Variants in FBXW7 observed in about 807,000 individuals in gnomAD.
FBXW7 encodes the protein F-box/WD repeat-containing protein 7.
FBXW7 carries 11 observed loss-of-function variants against 86.3 expected under a neutral mutation model. The ratio of observed to expected loss-of-function variants is 0.13; its 90% CI spans 0.08 to 0.21. The LOEUF (loss-of-function observed/expected upper bound fraction) is 0.21. FBXW7 is among the 10% of genes least tolerant of loss of function. FBXW7 has a pLI of 1.00. For missense variants in FBXW7, 488 were observed against 847.4 expected (o/e 0.58, Z 5.27); for synonymous variants, 313 against 297.9 (o/e 1.05, Z -0.52).
intron 9 of FBXW7, among the ~76,000 whole-genome samples, chr4:152,330,386 T>G (rs2126530453): frequency 6.6e-6 from 1 of 151,966 alleles, no homozygotes; most frequent in South Asian, 2.1e-4. Context: ...ACACAGACAC[T>G]CCTCAAAAAA....
At chr4:152,475,002 T>A (rs1428140705) in intron 2 of FBXW7, among the ~76,000 whole-genome samples, 1 of 151,716 alleles carries the variant, frequency 6.6e-6, no homozygotes. Context: ...CTCAGGAGGC[T>A]GAAGTGGGAG....
At position 152,425,067 on chromosome 4, in the gene FBXW7, G is replaced by A. The variant is rs566194640; in HGVS notation, c.-119-12538C>T. Among the ~76,000 whole-genome samples the A allele has an allele frequency of 2.0e-5, 3 of 152,198 alleles. No homozygotes were observed. In the East Asian group the frequency reaches 5.8e-4, roughly 29 times the overall value. On this transcript the variant is annotated intron_variant, in intron 2 of 13. Transcript: ENST00000281708. ...GATGATGCCATTACTGCCAGTCAAT[G>A]ACTAAATTTTGAAGAGCAATGCTCC... is the stretch of plus-strand genomic sequence containing the variant.
chr4:152,442,116 G>C (rs1334020581), intron 2 of FBXW7, among the ~76,000 whole-genome samples: 1 of 152,034 alleles, frequency 6.6e-6, no homozygotes, highest in Non-Finnish European at 1.5e-5. Flanking sequence ...TATATTAATC[G>C]TAACTATCAT....
In FBXW7 at chr4:152,535,276, C is replaced by G. The variant is rs1750424055; in HGVS notation, c.-362G>C. ...AGGCTGCGGCCGGCCCCCCGGGTCC[C>G]CCCCGGCCCCGCCGCCCTCGGGACT... On this transcript the variant is annotated 5_prime_UTR_variant, in exon 1 of 14. Transcript: ENST00000281708. 2 of 274,734 alleles carry G rather than the reference C, an allele frequency of 7.3e-6. No homozygotes were observed. The highest frequency in any genetic ancestry group is 1.1e-4 in the Admixed American group (2 of 18,796). The allele number at this position is 274,734 out of a possible 1,614,324, so 17.0% of individuals were successfully genotyped here.
intron 2 of FBXW7, among the ~76,000 whole-genome samples, chr4:152,488,514 T>C (rs1345676328): frequency 3.3e-5 from 5 of 152,082 alleles, no homozygotes; most frequent in African/African-American, 1.2e-4. Context: ...CTATGAAACA[T>C]CAGAAACCTT....
chr4:152,325,922 T>C, intron 12 of FBXW7, 84 bp downstream of exon 12: 1 of 1,124,624 alleles, frequency 8.9e-7, no homozygotes, highest in Non-Finnish European at 1.3e-6. Flanking sequence ...CTGTACTGGA[T>C]CAGCAATTTG....
chr4:152,452,528 G>T (rs2628570), intron 2 of FBXW7, among the ~76,000 whole-genome samples: 70,902 of 152,010 alleles, frequency 0.47, 19,619 homozygotes, highest in African/African-American at 0.77. Flanking sequence ...CTGTGTCTCA[G>T]AATAGTGTTC....
At chr4:152,350,015 T>C (rs1348508307) in intron 5 of FBXW7, 27 bp downstream of exon 5, 1 of 1,248,722 alleles carries the variant, frequency 8.0e-7, no homozygotes. Context: ...CTGAGAATCA[T>C]GAGATAATCA....
intron 4 of FBXW7, among the ~76,000 whole-genome samples, chr4:152,388,292 G>C (rs562850456): frequency 3.9e-5 from 6 of 152,202 alleles, no homozygotes; most frequent in African/African-American, 1.2e-4. Flanking sequence ...CCCTAACTAA[G>C]AGAAATATGC....
chr4:152,411,556 C>T lies in FBXW7; in HGVS notation c.248G>A (p.Arg83Lys), dbSNP rs138203389. 116 of 1,613,936 alleles carry T rather than the reference C, an allele frequency of 7.2e-5. No individual in the cohort carries two copies. Among genetic ancestry groups the T allele is most frequent in the East Asian group, 1.8e-4 (8 of 44,856 alleles). The change falls in exon 4 of 14, where the codon AGA (arginine) becomes AAA (lysine). Residue 83 changes from arginine (R) to lysine (K), a missense_variant. This residue lies in a region of FBXW7 where 230 missense variants were observed against 240.0 expected (regional missense o/e 0.96). Coordinates refer to ENST00000281708, the MANE Select transcript of FBXW7 (RefSeq NM_001349798.2). Reference sequence around the variant, plus strand: ...GGAGTCCTCATCTACCGAAATAAATCTATTATTGTTTTCTTCCAACTGTCC... The same window carrying T: ...GGAGTCCTCATCTACCGAAATAAATTTATTATTGTTTTCTTCCAACTGTCC... The part of the protein sequence containing the change: ...QQGQLEENNN[R>K]FISVDEDSSG...
chr4:152,358,581 T>G (rs1174281174), intron 4 of FBXW7, among the ~76,000 whole-genome samples: 1 of 152,032 alleles, frequency 6.6e-6, no homozygotes, highest in Admixed American at 6.6e-5. Context: ...TAGAGTGATT[T>G]TGGATGTCAT....
chr4:152,320,846 T>G lies in FBXW7; in HGVS notation c.*2035A>C, dbSNP rs946096246. 1.3e-5 allele frequency: 2 copies of G among 152,186 alleles called. No individual in the cohort carries two copies. Among genetic ancestry groups the G allele is most frequent in the Admixed American group, 1.3e-4 (2 of 15,260 alleles). 9.4% of individuals were successfully genotyped at this position (152,186 alleles called of 1,614,324 possible). On this transcript the variant is annotated 3_prime_UTR_variant, in exon 14 of 14. Transcript: ENST00000281708. Reference sequence around the variant, plus strand: ...GATGGGAGATAATAGTGCCTACTTCTCAGGGATAGTGGGAGCTTAAGAGAG... The same window carrying G: ...GATGGGAGATAATAGTGCCTACTTCGCAGGGATAGTGGGAGCTTAAGAGAG...
chr4:152,525,962 C>T (rs1366162767), intron 2 of FBXW7, among the ~76,000 whole-genome samples: 1 of 152,162 alleles, frequency 6.6e-6, no homozygotes, highest in African/African-American at 2.4e-5. Context: ...ACTTCACTAG[C>T]ATCTGTTATT....
At chr4:152,405,120 A>C (rs116679225) in intron 4 of FBXW7, among the ~76,000 whole-genome samples, 1,368 of 130,790 alleles carry the variant, frequency 0.01, 19 homozygotes, top group African/African-American at 0.033. Flanking sequence ...AAAAAAAAAG[A>C]GGTGAAATGA....
At position 152,370,335 on chromosome 4, in the gene FBXW7, T is replaced by C. The variant is rs143569871; in HGVS notation, c.502-20211A>G. ...ATTTTCTCAAATCCTCAAAACAGAT[T>C]TTCCCATCATTATATGAGGATACCA... On this transcript the variant is annotated intron_variant, in intron 4 of 13. Transcript: ENST00000281708. 5.3e-5 allele frequency among the ~76,000 whole-genome samples: 8 copies of C among 152,058 alleles called. No individual in the cohort carries two copies. In the East Asian group the frequency reaches 1.5e-3, roughly 29 times the overall value.
At chr4:152,475,706 T>C (rs571708837) in intron 2 of FBXW7, among the ~76,000 whole-genome samples, 1 of 152,358 alleles carries the variant, frequency 6.6e-6, no homozygotes, top group South Asian at 2.1e-4. Context: ...TATTTTTATA[T>C]ATCAGCAATA....
intron 2 of FBXW7, among the ~76,000 whole-genome samples, chr4:152,440,594 C>T (rs982925170): frequency 1.3e-5 from 2 of 152,108 alleles, no homozygotes; most frequent in African/African-American, 4.8e-5. Flanking sequence ...TTTAAAACTT[C>T]TTATGATTTT....
chr4:152,530,039 G>A (rs1190590901), intron 2 of FBXW7, among the ~76,000 whole-genome samples: 1 of 137,214 alleles, frequency 7.3e-6, no homozygotes, highest in Non-Finnish European at 1.5e-5. Flanking sequence ...CTGGGTGACA[G>A]AATGAGACCC....
intron 4 of FBXW7, among the ~76,000 whole-genome samples, chr4:152,356,586 TAC>T (rs1417525391): frequency 6.6e-6 from 1 of 152,136 alleles, no homozygotes; most frequent in Non-Finnish European, 1.5e-5. Flanking sequence ...GAATTTAGAT[TAC>T]AGACAGTTCA....
Sources: gnomAD v4.1 joint callset for allele counts (sites outside exome capture counted in the v4.1 genomes callset) on GRCh38, gnomAD v4.1.1 for gene constraint, gnomAD v4.1.1 regional missense constraint, MANE v1.5 for transcripts, NCBI Gene and HGNC (gene_info 2026-07-23, HGNC 2026-07-21) for gene names.